RBFOX3: variants seen among roughly 807,000 people sequenced by gnomAD.
RBFOX3 encodes RNA binding fox-1 homolog 3, also known as RNA binding protein fox-1 homolog 3.
In RBFOX3, 17 loss-of-function variants were observed where a neutral mutation model predicts 48.7. That is an observed-to-expected ratio of 0.35 (90% CI 0.24 to 0.52). The LOEUF (loss-of-function observed/expected upper bound fraction) is 0.52, where lower values mean the gene tolerates loss of function less well. Among genes scored for constraint, RBFOX3 ranks in the 20% least tolerant of loss-of-function variants. RBFOX3 has a pLI of 0.94. For missense variants in RBFOX3, 382 were observed against 497.5 expected (o/e 0.77, Z 2.21); for synonymous variants, 212 against 209.5 (o/e 1.01, Z -0.10).
intron 4 of RBFOX3, among the ~76,000 whole-genome samples, chr17:79,155,008 C>T (rs371130246): frequency 3.8e-4 from 53 of 140,524 alleles, no homozygotes; most frequent in African/African-American, 1.2e-3. Context: ...GGGTGGCAGC[C>T]GTGCCAGGCA....
chr17:79,262,837 G>A (rs1241484264), intron 3 of RBFOX3, among the ~76,000 whole-genome samples: 1 of 152,272 alleles, frequency 6.6e-6, no homozygotes, highest in Admixed American at 6.5e-5. Context: ...GAGCACTGGG[G>A]CAGCCCCAAT....
At position 79,362,477 on chromosome 17, in the gene RBFOX3, T is replaced by A. The variant is rs1285431652; in HGVS notation, c.-174-54653A>T. On this transcript the variant is annotated intron_variant, in intron 2 of 14. Transcript: ENST00000693108. The surrounding 1 kb of genome is among the most constrained non-coding windows in gnomAD (Gnocchi z 4.2). ...GTGGCGGTGGGCGTGGAAGGCCACCTGCGCTGGGCCTGGATGGCACTAGGC... is the reference window on the plus strand; with the variant it reads ...GTGGCGGTGGGCGTGGAAGGCCACCAGCGCTGGGCCTGGATGGCACTAGGC... Among the ~76,000 whole-genome samples the A allele has an allele frequency of 6.6e-6, 1 of 151,926 alleles. No individual in the cohort carries two copies. Among genetic ancestry groups the A allele is most frequent in the Non-Finnish European group, 1.5e-5 (1 of 67,964 alleles).
intron 1 of RBFOX3, among the ~76,000 whole-genome samples, chr17:79,494,972 A>C (rs1358940568): frequency 2.0e-5 from 3 of 152,072 alleles, no homozygotes; most frequent in Non-Finnish European, 4.4e-5. Context: ...GAACCACCCA[A>C]GTCTGCCCCA....
chr17:79,606,861 C>T (rs1332699424), intron 1 of RBFOX3, among the ~76,000 whole-genome samples: 5 of 151,994 alleles, frequency 3.3e-5, no homozygotes, highest in East Asian at 1.9e-4. Flanking sequence ...TAAGCATCCG[C>T]GCCACTCAGA....
intron 1 of RBFOX3, among the ~76,000 whole-genome samples, chr17:79,510,883 G>A (rs902997020): frequency 3.9e-5 from 6 of 152,094 alleles, no homozygotes; most frequent in Non-Finnish European, 7.4e-5. Flanking sequence ...CTTCCCCTGG[G>A]CCAAAGTGTA....
chr17:79,203,208 C>T (rs2057020302), intron 4 of RBFOX3, among the ~76,000 whole-genome samples: 1 of 150,398 alleles, frequency 6.6e-6, no homozygotes, highest in Admixed American at 6.6e-5. Context: ...CTGTGACAAC[C>T]CCTGGCCTGT....
chr17:79,535,724 G>A lies in RBFOX3; in HGVS notation c.-319-53126C>T, dbSNP rs12945804. On this transcript the variant is annotated intron_variant, in intron 1 of 14. Coordinates refer to ENST00000693108, the MANE Select transcript of RBFOX3 (RefSeq NM_001350451.2). This position sits in a 1 kb window ranked among gnomAD's most constrained non-coding sequence, Gnocchi z 4.5. ...ACAGTCAATCGGACATAGGAATAAC[G>A]TGTCCTCTGCACCCAGGAAGCCTGC... Among the ~76,000 whole-genome samples the A allele has an allele frequency of 1.3e-5, 2 of 152,042 alleles. No individual in the cohort carries two copies. The highest frequency in any genetic ancestry group is 2.9e-5 in the Non-Finnish European group (2 of 68,012).
intron 2 of RBFOX3, among the ~76,000 whole-genome samples, chr17:79,411,273 G>A (rs1214026020): frequency 6.6e-6 from 1 of 152,090 alleles, no homozygotes; most frequent in Non-Finnish European, 1.5e-5. Flanking sequence ...AAGGCATTTT[G>A]GGGTGGGGGC....
At chr17:79,639,646 G>A in the RBFOX3 span, among the ~76,000 whole-genome samples, 1 of 152,138 alleles carries the variant, frequency 6.6e-6, no homozygotes, top group African/African-American at 2.4e-5. Context: ...TATACATTAT[G>A]ACCAAGTGGA....
chr17:79,133,256 G>A (rs981791762), intron 4 of RBFOX3, among the ~76,000 whole-genome samples: 6 of 152,166 alleles, frequency 3.9e-5, no homozygotes, highest in Non-Finnish European at 4.4e-5. Flanking sequence ...CCAGAGGAGC[G>A]GGTCCCTGAG....
intron 2 of RBFOX3, among the ~76,000 whole-genome samples, chr17:79,401,484 C>T (rs1296491193): frequency 6.6e-6 from 1 of 152,212 alleles, no homozygotes; most frequent in Non-Finnish European, 1.5e-5. Context: ...AAAATGCAAA[C>T]GCCTTATTCC....
intron 2 of RBFOX3, among the ~76,000 whole-genome samples, chr17:79,437,527 C>CA (rs2069784014): frequency 6.6e-6 from 1 of 152,200 alleles, no homozygotes; most frequent in Non-Finnish European, 1.5e-5. Context: ...CTGGCAGAGC[C>CA]CGGGACACCC....
chr17:79,640,888 G>A, the RBFOX3 span, among the ~76,000 whole-genome samples: 256 of 152,148 alleles, frequency 1.7e-3, 3 homozygotes, highest in Middle Eastern at 6.8e-3. Context: ...TCTTAACATT[G>A]GTCTGGCCAA....
At chr17:79,298,615 T>C (rs1461474377) in intron 3 of RBFOX3, among the ~76,000 whole-genome samples, 1 of 152,076 alleles carries the variant, frequency 6.6e-6, no homozygotes, top group Non-Finnish European at 1.5e-5. Flanking sequence ...CAGCAGGGCA[T>C]TGCAGCCCCA....
chr17:79,351,445 G>GTT (rs2083921744), intron 2 of RBFOX3, among the ~76,000 whole-genome samples: 1 of 152,120 alleles, frequency 6.6e-6, no homozygotes, highest in Non-Finnish European at 1.5e-5. Context: ...GAGTCTCACT[G>GTT]TGTCACCCAG....
At chr17:79,140,869 A>G (rs910728582) in intron 4 of RBFOX3, among the ~76,000 whole-genome samples, 2 of 152,210 alleles carry the variant, frequency 1.3e-5, no homozygotes, top group Non-Finnish European at 2.9e-5. Context: ...TGGGAAACGG[A>G]GCCAGATGCC....
In RBFOX3 at chr17:79,568,052, C is replaced by T. The variant is rs1029027464; in HGVS notation, c.-320+42774G>A. 3.9e-5 allele frequency among the ~76,000 whole-genome samples: 6 copies of T among 152,336 alleles called. No homozygotes were observed. In the South Asian group the frequency reaches 8.3e-4, roughly 21 times the overall value. ...CCGCTCTCCAGTGACAGTCACACTG[C>T]GTGTACTTGCGCTGGGTACTTCTTA... is the stretch of plus-strand genomic sequence containing the variant. On this transcript the variant is annotated intron_variant, in intron 1 of 14. Coordinates refer to ENST00000693108, the MANE Select transcript of RBFOX3 (RefSeq NM_001350451.2).
intron 4 of RBFOX3, among the ~76,000 whole-genome samples, chr17:79,120,131 C>A (rs941246004): frequency 1.2e-4 from 18 of 152,142 alleles, no homozygotes; most frequent in African/African-American, 4.3e-4. Context: ...TCTCAGATGA[C>A]CTCATGTTGG....
intron 4 of RBFOX3, among the ~76,000 whole-genome samples, chr17:79,193,723 A>T (rs2054983732): frequency 1.3e-5 from 2 of 152,198 alleles, no homozygotes; most frequent in Non-Finnish European, 2.9e-5. Flanking sequence ...TCTTTACTGT[A>T]TTGGAATTGT....
Sources: gnomAD v4.1 joint callset for allele counts (sites outside exome capture counted in the v4.1 genomes callset) on GRCh38, gnomAD v4.1.1 for gene constraint, Gnocchi (gnomAD v3.1) non-coding constraint, MANE v1.5 for transcripts, NCBI Gene and HGNC (gene_info 2026-07-23, HGNC 2026-07-21) for gene names.